DLGAP2: variants seen among roughly 807,000 people sequenced by gnomAD.
The protein encoded by DLGAP2 is DLG associated protein 2, also known as disks large-associated protein 2.
DLGAP2 carries 26 observed loss-of-function variants against 100.3 expected under a neutral mutation model. The ratio of observed to expected loss-of-function variants is 0.26; its 90% CI spans 0.19 to 0.36. DLGAP2 has a LOEUF of 0.36. Ranked by LOEUF, DLGAP2 falls within the 10% of genes least tolerant of loss-of-function variation. The pLI is 1.00. For missense variants in DLGAP2, 1,858 were observed against 1,453.2 expected (o/e 1.28, Z -4.53); for synonymous variants, 886 against 630.1 (o/e 1.41, Z -6.08).
At chr8:839,841 T>C (rs1393490593) in intron 1 of DLGAP2, among the ~76,000 whole-genome samples, 1 of 152,234 alleles carries the variant, frequency 6.6e-6, no homozygotes, top group Non-Finnish European at 1.5e-5. Flanking sequence ...TTTAGGTCTC[T>C]TTTGATCCAC....
intron 3 of DLGAP2, among the ~76,000 whole-genome samples, chr8:1,303,351 C>G (rs4324941): frequency 1.7e-4 from 26 of 149,016 alleles, no homozygotes; most frequent in African/African-American, 6.2e-4. Flanking sequence ...GAGCCGAGAT[C>G]GCGCCACCGC....
At chr8:1,563,628 G>A (rs1217627213) in intron 5 of DLGAP2, among the ~76,000 whole-genome samples, 4 of 152,072 alleles carry the variant, frequency 2.6e-5, no homozygotes, top group Admixed American at 6.5e-5. Context: ...GGGAGCTCCT[G>A]CTCGTCCAGG....
At chr8:967,780 T>C (rs1381294646) in intron 2 of DLGAP2, among the ~76,000 whole-genome samples, 3 of 32,112 alleles carry the variant, frequency 9.3e-5, no homozygotes, top group African/African-American at 2.8e-4. Flanking sequence ...TATATATATG[T>C]ATATATATAT....
At chr8:1,047,436 T>C (rs1336921675) in intron 2 of DLGAP2, among the ~76,000 whole-genome samples, 1 of 152,238 alleles carries the variant, frequency 6.6e-6, no homozygotes, top group Non-Finnish European at 1.5e-5. Flanking sequence ...TCCAAAATGC[T>C]CCAGTGAGCA....
In DLGAP2 at chr8:905,419, C is replaced by G. The variant is rs528805326; in HGVS notation, c.19-2493C>G. Among the ~76,000 whole-genome samples, 11 of 152,298 alleles carry G rather than the reference C, an allele frequency of 7.2e-5. No individual in the cohort carries two copies. The East Asian group carries it at 2.1e-3, about 29-fold the overall frequency. On this transcript the variant is annotated intron_variant, in intron 1 of 14. Transcript: ENST00000637795. Reference sequence around the variant, plus strand: ...TGGCTTGTGGGATCATTCGTCATACCATGCGTCTGAACTGGTGACTCTCAA... The same window carrying G: ...TGGCTTGTGGGATCATTCGTCATACGATGCGTCTGAACTGGTGACTCTCAA...
At chr8:1,161,273 G>T (rs1162294588) in intron 2 of DLGAP2, among the ~76,000 whole-genome samples, 2 of 152,150 alleles carry the variant, frequency 1.3e-5, no homozygotes. Context: ...GACCACACCA[G>T]CCCAGGGCCT....
At chr8:1,421,781 T>C (rs1003949992) in intron 3 of DLGAP2, among the ~76,000 whole-genome samples, 2 of 151,948 alleles carry the variant, frequency 1.3e-5, no homozygotes, top group East Asian at 1.9e-4. Flanking sequence ...CTGGCCAACA[T>C]GGTGAAACCC....
At chr8:1,374,761 C>T (rs551063786) in intron 3 of DLGAP2, among the ~76,000 whole-genome samples, 10 of 151,566 alleles carry the variant, frequency 6.6e-5, no homozygotes, top group Non-Finnish European at 1.5e-4. Context: ...CGGTGGAAAT[C>T]CTGCAGGGCA....
At chr8:1,312,171 G>T (rs193107457) in intron 3 of DLGAP2, among the ~76,000 whole-genome samples, 2 of 152,294 alleles carry the variant, frequency 1.3e-5, no homozygotes, top group East Asian at 3.9e-4. Flanking sequence ...TCTAGACACA[G>T]ATCTCAACCT....
chr8:1,625,213 T>A (rs1221959875), intron 6 of DLGAP2, among the ~76,000 whole-genome samples: 1 of 152,230 alleles, frequency 6.6e-6, no homozygotes, highest in Non-Finnish European at 1.5e-5. Context: ...TATTTAATGT[T>A]CCTATTATCA....
At chr8:910,749 T>C (rs981544918) in intron 2 of DLGAP2, among the ~76,000 whole-genome samples, 8 of 152,256 alleles carry the variant, frequency 5.3e-5, no homozygotes, top group African/African-American at 1.9e-4. Flanking sequence ...TCTGGATTTT[T>C]GCAGCTGCCT....
chr8:1,246,504 G>T (rs1352192710), intron 2 of DLGAP2, among the ~76,000 whole-genome samples: 2 of 152,192 alleles, frequency 1.3e-5, no homozygotes, highest in Admixed American at 1.3e-4. Flanking sequence ...AGAGCCATTG[G>T]ATTTGGGAAT....
At chr8:948,613 C>G (rs993662993) in intron 2 of DLGAP2, among the ~76,000 whole-genome samples, 1 of 152,202 alleles carries the variant, frequency 6.6e-6, no homozygotes, top group Non-Finnish European at 1.5e-5. Flanking sequence ...CTCAAGGCGC[C>G]GTGGAAGGCG....
At chr8:1,212,437 T>C (rs1376828986) in intron 2 of DLGAP2, among the ~76,000 whole-genome samples, 1 of 152,218 alleles carries the variant, frequency 6.6e-6, no homozygotes, top group Non-Finnish European at 1.5e-5. Flanking sequence ...ACCGTTCATT[T>C]GGTAGAGATC....
intron 2 of DLGAP2, among the ~76,000 whole-genome samples, chr8:971,470 T>C (rs1023325085): frequency 6.6e-6 from 1 of 152,188 alleles, no homozygotes; most frequent in Non-Finnish European, 1.5e-5. Flanking sequence ...TCACAGCTTG[T>C]TACCACCACT....
At chr8:1,556,789 AAC>A (rs1165930695) in intron 5 of DLGAP2, among the ~76,000 whole-genome samples, 2 of 152,146 alleles carry the variant, frequency 1.3e-5, no homozygotes, top group East Asian at 3.9e-4. Context: ...AACCACAACA[AAC>A]AAACAGGAAA....
chr8:1,036,683 C>T (rs144021175), intron 2 of DLGAP2, among the ~76,000 whole-genome samples: 35 of 152,170 alleles, frequency 2.3e-4, no homozygotes, highest in African/African-American at 6.0e-4. Flanking sequence ...GAGCAGCTGT[C>T]GTGTACATGG....
At chr8:1,581,317 T>A (rs1430027120) in intron 6 of DLGAP2, among the ~76,000 whole-genome samples, 1 of 137,810 alleles carries the variant, frequency 7.3e-6, no homozygotes, top group Non-Finnish European at 1.5e-5. Flanking sequence ...CACAACACAG[T>A]CAAACTACCA....
At chr8:1,417,647 AG>A (rs1796948316) in intron 3 of DLGAP2, among the ~76,000 whole-genome samples, 2 of 57,076 alleles carry the variant, frequency 3.5e-5, no homozygotes, top group African/African-American at 1.4e-4. Context: ...GGGCACGGGG[AG>A]CCCCACTCCT....
Sources: allele counts gnomAD v4.1 joint callset (sites outside exome capture counted in the v4.1 genomes callset), GRCh38; gene constraint gnomAD v4.1.1; transcripts MANE v1.5; gene names NCBI Gene and HGNC (gene_info 2026-07-23, HGNC 2026-07-21).